Variants in GULP1 observed in about 807,000 individuals in gnomAD.
GULP1 encodes the protein GULP PTB domain containing engulfment adaptor 1.
GULP1 carries 19 observed loss-of-function variants against 40.9 expected under a neutral mutation model. That is an observed-to-expected ratio of 0.46 (90% CI 0.32 to 0.68). The LOEUF is 0.68. GULP1 is among the 30% of genes least tolerant of loss of function. The pLI, the probability that GULP1 is intolerant of heterozygous loss-of-function variation, is 0.03. For missense variants in GULP1, 312 were observed against 362.2 expected (o/e 0.86, Z 1.12); for synonymous variants, 119 against 117.6 (o/e 1.01, Z -0.08).
intron 4 of GULP1, among the ~76,000 whole-genome samples, chr2:188,499,261 A>T (rs2063207001): frequency 6.7e-6 from 1 of 150,054 alleles, no homozygotes; most frequent in African/African-American, 2.4e-5. Flanking sequence ...AGCATCTTTC[A>T]CATAAGCAAT....
chr2:188,325,564 A>G (rs2040636901), intron 1 of GULP1, among the ~76,000 whole-genome samples: 1 of 152,086 alleles, frequency 6.6e-6, no homozygotes, highest in South Asian at 2.1e-4. Flanking sequence ...ATTATTAGTA[A>G]TTATTATCCT....
At chr2:188,589,779 A>C in intron 11 of GULP1, 1 of 1,241,790 alleles carries the variant, frequency 8.1e-7, no homozygotes, top group Middle Eastern at 2.3e-4. Flanking sequence ...TAATAATTTT[A>C]AACAACTTAC....
intron 2 of GULP1, among the ~76,000 whole-genome samples, chr2:188,455,321 A>G (rs2059166480): frequency 6.6e-6 from 1 of 152,172 alleles, no homozygotes; most frequent in African/African-American, 2.4e-5. Context: ...TGTTGAGTAC[A>G]TGATGTGGTG....
In GULP1 at chr2:188,483,919, T is replaced by TTTTTA. The variant is rs749108502; in HGVS notation, c.90+445_90+449dup. On this transcript the variant is annotated intron_variant, in intron 4 of 11. Coordinates refer to ENST00000409830, the MANE Select transcript of GULP1 (RefSeq NM_016315.4). ...CAAGAAAAAAGGAACAAAGTTTAAA[T>TTTTTA]TTTTATTTTATTTTATTTTATTGAG... is the stretch of plus-strand genomic sequence containing the variant. 4.9e-4 allele frequency among the ~76,000 whole-genome samples: 75 copies of TTTTTA among 152,224 alleles called. No homozygotes were observed. The Middle Eastern group carries it at 0.014, about 28-fold the overall frequency.
rs111484513 is a variant in GULP1, at chr2:188,337,295, C to T, written c.-172+45129C>T. Among the ~76,000 whole-genome samples the T allele has an allele frequency of 2.6e-3, 399 of 151,908 alleles. 2 individuals are homozygous for T. Among genetic ancestry groups the T allele is most frequent in the African/African-American group, 9.0e-3 (372 of 41,412 alleles). ...CTGGGATTACAGGCATGCGCCACCACGCCCAGCTAGTTTTTGTATTTTTAG... is the reference window on the plus strand; with the variant it reads ...CTGGGATTACAGGCATGCGCCACCATGCCCAGCTAGTTTTTGTATTTTTAG... On this transcript the variant is annotated intron_variant, in intron 1 of 11. Coordinates refer to ENST00000409830, the MANE Select transcript of GULP1 (RefSeq NM_016315.4).
At chr2:188,412,611 C>T (rs983272727) in intron 2 of GULP1, among the ~76,000 whole-genome samples, 3 of 152,260 alleles carry the variant, frequency 2.0e-5, no homozygotes, top group Admixed American at 6.5e-5. Context: ...ATATCACAAA[C>T]CCTTTACGAT....
intron 1 of GULP1, among the ~76,000 whole-genome samples, chr2:188,327,830 G>A (rs2040975288): frequency 6.6e-6 from 1 of 152,028 alleles, no homozygotes; most frequent in South Asian, 2.1e-4. Flanking sequence ...TGAAAATGAT[G>A]GAGCACTGAC....
chr2:188,343,450 T>TA (rs2152202039), intron 1 of GULP1, among the ~76,000 whole-genome samples: 1 of 152,326 alleles, frequency 6.6e-6, no homozygotes, highest in South Asian at 2.1e-4. Flanking sequence ...AGTGTACAGT[T>TA]AGAGTAGACG....
At chr2:188,550,242 G>C (rs1479360311) in intron 7 of GULP1, among the ~76,000 whole-genome samples, 1 of 151,502 alleles carries the variant, frequency 6.6e-6, no homozygotes, top group Non-Finnish European at 1.5e-5. Context: ...GTAAATGCAG[G>C]CCAAAAAGAA....
intron 2 of GULP1, among the ~76,000 whole-genome samples, chr2:188,467,789 T>A (rs553787667): frequency 6.6e-6 from 1 of 152,178 alleles, no homozygotes; most frequent in Non-Finnish European, 1.5e-5. Context: ...AAAAAATAAA[T>A]GATTAAGTCA....
intron 1 of GULP1, among the ~76,000 whole-genome samples, chr2:188,353,412 T>G (rs1411674496): frequency 6.6e-6 from 1 of 152,150 alleles, no homozygotes; most frequent in East Asian, 1.9e-4. Context: ...AAAGAATGTC[T>G]TGGTGGAGCC....
At chr2:188,374,041 T>C (rs1207724541) in intron 1 of GULP1, among the ~76,000 whole-genome samples, 2 of 152,076 alleles carry the variant, frequency 1.3e-5, no homozygotes, top group Non-Finnish European at 2.9e-5. Context: ...CATCATTTCT[T>C]AAGCAAACAT....
intron 1 of GULP1, among the ~76,000 whole-genome samples, chr2:188,366,002 G>A (rs191838952): frequency 3.3e-5 from 5 of 152,270 alleles, no homozygotes; most frequent in Admixed American, 2.6e-4. Flanking sequence ...GAACAACAAT[G>A]TCCAGCAGGG....
intron 2 of GULP1, among the ~76,000 whole-genome samples, chr2:188,420,036 C>T (rs1233133159): frequency 1.3e-5 from 2 of 152,128 alleles, no homozygotes; most frequent in African/African-American, 2.4e-5. Context: ...GTTCTGTGTT[C>T]TGTTCCACTG....
intron 11 of GULP1, chr2:188,588,778 C>T (rs1022103333): frequency 4.6e-5 from 7 of 152,028 alleles, no homozygotes; most frequent in African/African-American, 1.7e-4. Flanking sequence ...CATTAATTCT[C>T]TATGCCTCAC....
At chr2:188,460,596 A>G (rs906604614) in intron 2 of GULP1, among the ~76,000 whole-genome samples, 1 of 152,142 alleles carries the variant, frequency 6.6e-6, no homozygotes, top group Non-Finnish European at 1.5e-5. Flanking sequence ...TCATCTGCAA[A>G]TAAAAATAGT....
chr2:188,346,725 C>T lies in GULP1; in HGVS notation c.-171-37038C>T, dbSNP rs1347549030. On this transcript the variant is annotated intron_variant, in intron 1 of 11. Coordinates refer to ENST00000409830, the MANE Select transcript of GULP1 (RefSeq NM_016315.4). ...GTATAAAAATTGTTTTACTTCCCAG[C>T]ACTTTGGGAGGCTGAGGCGGGCGAA... is the stretch of plus-strand genomic sequence containing the variant. Among the ~76,000 whole-genome samples, 9 of 152,034 alleles carry T rather than the reference C, an allele frequency of 5.9e-5. No homozygotes were observed. In the South Asian group the frequency reaches 1.3e-3, roughly 21 times the overall value.
At chr2:188,508,606 T>G (rs968117638) in intron 4 of GULP1, among the ~76,000 whole-genome samples, 1 of 151,786 alleles carries the variant, frequency 6.6e-6, no homozygotes, top group African/African-American at 2.4e-5. Flanking sequence ...GGATGCTTGA[T>G]GTTCCTGTCT....
intron 11 of GULP1, chr2:188,591,398 T>C (rs1703528968): frequency 2.0e-5 from 3 of 152,144 alleles, no homozygotes; most frequent in East Asian, 1.9e-4. Context: ...TACTTTTATT[T>C]CTGTTTGATA....
Sources: gnomAD v4.1 joint callset for allele counts (sites outside exome capture counted in the v4.1 genomes callset) on GRCh38, gnomAD v4.1.1 for gene constraint, MANE v1.5 for transcripts, NCBI Gene and HGNC (gene_info 2026-07-23, HGNC 2026-07-21) for gene names.